The following GNAO1 variants were observed in gnomAD, a reference collection of about 807,000 sequenced individuals.
The protein encoded by GNAO1 is G protein subunit alpha o1, also known as guanine nucleotide-binding protein G(o) subunit alpha.
For missense variants in GNAO1, 166 were observed against 478.7 expected (o/e 0.35, Z 6.10); for synonymous variants, 164 against 180.7 (o/e 0.91, Z 0.74).
chr16:56,350,406 C>T (rs1304371832), intron 6 of GNAO1, among the ~76,000 whole-genome samples: 2 of 152,264 alleles, frequency 1.3e-5, no homozygotes, highest in East Asian at 3.9e-4. Context: ...GAAATGGATT[C>T]GTTCACAGAG....
In GNAO1 at chr16:56,243,784, G is replaced by A. The variant is rs375898809; in HGVS notation, c.162-32147G>A. Among the ~76,000 whole-genome samples the A allele has an allele frequency of 1.1e-4, 16 of 152,232 alleles. No homozygotes were observed. The East Asian group carries it at 3.1e-3, about 29-fold the overall frequency. On this transcript the variant is annotated intron_variant, in intron 2 of 8. Transcript: ENST00000262493. ...AAACTAAATTGTATACTCTAAATAG[G>A]CAAATTATATGATGTGTGAATTTTA... is the stretch of plus-strand genomic sequence containing the variant.
intron 2 of GNAO1, chr16:56,194,271 G>C (rs546074778): frequency 3.1e-4 from 141 of 456,616 alleles, no homozygotes; most frequent in African/African-American, 2.6e-3. Flanking sequence ...AAATTGATGG[G>C]GAGGCGGGGC....
chr16:56,328,107 T>TCTCTACCGAAACGTCTGCTC (rs1205630299), intron 3 of GNAO1, among the ~76,000 whole-genome samples: 1 of 152,058 alleles, frequency 6.6e-6, no homozygotes, highest in Non-Finnish European at 1.5e-5. Flanking sequence ...TAACCGGAAT[T>TCTCTACCGAAACGTCTGCTC]CTCTACCGAA....
In GNAO1 at chr16:56,311,537, A is replaced by G. The variant is rs573692699; in HGVS notation, c.304-17094A>G. ...ACCCTGATCCCAGACCTCAGAGAAAAACTGTTGGGGTGATGGCGCCTTGGC... is the reference window on the plus strand; with the variant it reads ...ACCCTGATCCCAGACCTCAGAGAAAGACTGTTGGGGTGATGGCGCCTTGGC... On this transcript the variant is annotated intron_variant, in intron 3 of 8. Transcript: ENST00000262493. The surrounding 1 kb of genome is among the most constrained non-coding windows in gnomAD (Gnocchi z 5.2). 2.0e-5 allele frequency among the ~76,000 whole-genome samples: 3 copies of G among 152,232 alleles called. No individual in the cohort carries two copies. In the East Asian group the frequency reaches 5.8e-4, roughly 29 times the overall value.
intron 2 of GNAO1, among the ~76,000 whole-genome samples, chr16:56,226,228 A>G (rs1306268250): frequency 6.6e-6 from 1 of 152,206 alleles, no homozygotes; most frequent in Non-Finnish European, 1.5e-5. Flanking sequence ...AGTTTGTGGC[A>G]GTAGACAGTG....
At chr16:56,285,056 C>T (rs75082546) in intron 3 of GNAO1, among the ~76,000 whole-genome samples, 2,301 of 152,292 alleles carry the variant, frequency 0.015, 52 homozygotes, top group African/African-American at 0.05. Context: ...CCTTCTCTTC[C>T]GTGGCGTGCA....
intron 6 of GNAO1, among the ~76,000 whole-genome samples, chr16:56,337,474 T>C (rs1292347134): frequency 6.6e-6 from 1 of 152,210 alleles, no homozygotes; most frequent in African/African-American, 2.4e-5. Context: ...ACCAGGCTCC[T>C]ACCTTCTGTC....
chr16:56,344,952 G>C (rs546655630), intron 6 of GNAO1: 46 of 982,360 alleles, frequency 4.7e-5, no homozygotes, highest in Non-Finnish European at 5.4e-5. Flanking sequence ...CAGCGAGTTT[G>C]TTCACAGCCG....
intron 3 of GNAO1, among the ~76,000 whole-genome samples, chr16:56,281,388 C>T (rs149620388): frequency 4.6e-5 from 7 of 152,262 alleles, no homozygotes; most frequent in Non-Finnish European, 7.4e-5. Context: ...GCTGCCTTAC[C>T]CCCCTGGGTT....
chr16:56,351,066 G>A lies in GNAO1; in HGVS notation c.724-318G>A, dbSNP rs2037916916. Among the ~76,000 whole-genome samples, 2 of 152,196 alleles carry A rather than the reference G, an allele frequency of 1.3e-5. No homozygotes were observed. Among genetic ancestry groups the A allele is most frequent in the African/African-American group, 2.4e-5 (1 of 41,440 alleles). Reference sequence around the variant, plus strand: ...CACATGCACACAGCCACACACACGTGTGCTGGGAGACCCTCACATAGCTGG... The same window carrying A: ...CACATGCACACAGCCACACACACGTATGCTGGGAGACCCTCACATAGCTGG... On this transcript the variant is annotated intron_variant, in intron 6 of 8. Transcript: ENST00000262493. The surrounding 1 kb of genome is among the most constrained non-coding windows in gnomAD (Gnocchi z 6.1).
chr16:56,254,163 A>T (rs1281732195), intron 2 of GNAO1, among the ~76,000 whole-genome samples: 1 of 152,172 alleles, frequency 6.6e-6, no homozygotes, highest in Non-Finnish European at 1.5e-5. Flanking sequence ...CCAACAAATG[A>T]TCTATTCCAG....
intron 2 of GNAO1, among the ~76,000 whole-genome samples, chr16:56,217,695 T>C (rs955832960): frequency 2.3e-4 from 35 of 152,222 alleles, no homozygotes; most frequent in African/African-American, 7.0e-4. Flanking sequence ...TTAGGTATTA[T>C]GACTCCCTGT....
At chr16:56,298,143 G>A (rs2037306219) in intron 3 of GNAO1, among the ~76,000 whole-genome samples, 1 of 152,244 alleles carries the variant, frequency 6.6e-6, no homozygotes, top group South Asian at 2.1e-4. Flanking sequence ...CTGCACTCCA[G>A]CCTGGGCAAC....
intron 3 of GNAO1, among the ~76,000 whole-genome samples, chr16:56,290,684 G>C (rs1033710844): frequency 1.3e-5 from 2 of 152,168 alleles, no homozygotes; most frequent in Non-Finnish European, 2.9e-5. Context: ...ATGTGAGAGG[G>C]GGTGCCTCCT....
intron 3 of GNAO1, among the ~76,000 whole-genome samples, chr16:56,321,214 A>T (rs541043129): frequency 3.9e-5 from 6 of 152,322 alleles, no homozygotes; most frequent in African/African-American, 1.4e-4. Flanking sequence ...CAAGTGCAAA[A>T]ATAAACCAAC....
intron 4 of GNAO1, among the ~76,000 whole-genome samples, chr16:56,329,488 A>C (rs952333771): frequency 1.3e-4 from 19 of 151,974 alleles, no homozygotes; most frequent in Admixed American, 1.1e-3. Flanking sequence ...CACTGGCTGC[A>C]GCTTTATCAC....
chr16:56,330,805 A>G (rs560780249), intron 4 of GNAO1, among the ~76,000 whole-genome samples: 13 of 152,318 alleles, frequency 8.5e-5, no homozygotes, highest in Admixed American at 8.5e-4. Flanking sequence ...CTCCCCACCA[A>G]GTAAGCTGAG....
At chr16:56,206,388 T>C (rs1010426817) in intron 2 of GNAO1, among the ~76,000 whole-genome samples, 2 of 151,252 alleles carry the variant, frequency 1.3e-5, no homozygotes, top group African/African-American at 4.9e-5. Flanking sequence ...CTGTTGGCTA[T>C]GGAAGGACAT....
chr16:56,340,212 C>T (rs2037787108), intron 6 of GNAO1: 1 of 152,222 alleles, frequency 6.6e-6, no homozygotes, highest in Non-Finnish European at 1.5e-5. Context: ...TACTGAGAAA[C>T]CAGCCCCAAC....
Sources: allele counts gnomAD v4.1 joint callset (sites outside exome capture counted in the v4.1 genomes callset), GRCh38; gene constraint gnomAD v4.1.1; non-coding constraint Gnocchi (gnomAD v3.1); transcripts MANE v1.5; gene names NCBI Gene and HGNC (gene_info 2026-07-23, HGNC 2026-07-21).